PGGHG: variants seen among roughly 807,000 people sequenced by gnomAD.
PGGHG encodes ATH1, acid trehalase-like 1.
In PGGHG, 67 loss-of-function variants were observed where a neutral mutation model predicts 74.5. The ratio of observed to expected loss-of-function variants is 0.90; its 90% CI spans 0.74 to 1.10. PGGHG has a LOEUF of 1.10. PGGHG is among the 50% of genes least tolerant of loss of function. PGGHG has a pLI of 0.00. For missense variants in PGGHG, 1,034 were observed against 981.5 expected, an observed-to-expected ratio of 1.05 and a Z score of -0.72; for synonymous variants, 496 against 419.9, an observed-to-expected ratio of 1.18 and a Z score of -2.21.
At position 292,494 on chromosome 11, in the gene PGGHG, G is replaced by A. The variant is rs973886905; in HGVS notation, c.1027-52G>A. 97 of 1,596,576 alleles carry A rather than the reference G, an allele frequency of 6.1e-5. No individual in the cohort carries two copies. The East Asian group carries it at 1.9e-3, about 31-fold the overall frequency. On this transcript the variant is annotated intron_variant, in intron 5 of 13. Transcript: ENST00000409548. ...GGGCGAGGGCACGGGAAAGTTGGGG[G>A]GCCACCGCTCCCCTCCAACAAGGTC...
In PGGHG at chr11:293,471, C is replaced by A. The variant is rs746144117; in HGVS notation, c.1449C>A (p.Asn483Lys). The change falls in exon 9 of 14, where the codon AAC (asparagine) becomes AAA (lysine). Residue 483 changes from asparagine (N) to lysine (K), a missense_variant. Transcript: ENST00000409548. ...KIKVPFDVEQ[N>K]FHPEFDGYEP... is the part of the protein sequence containing the mutation. ...AGGTACCCTTTGACGTGGAGCAGAA[C>A]TTCCACCCGGAGTTCGATGGGTATG... is the stretch of plus-strand genomic sequence containing the variant. The A allele has an allele frequency of 6.2e-7, 1 of 1,611,830 alleles. No individual in the cohort carries two copies. Among genetic ancestry groups the A allele is most frequent in the Admixed American group, 1.7e-5 (1 of 60,016 alleles).
Position 296,087 on chromosome 11 carries a change from A to G in PGGHG, c.*1338A>G, listed in dbSNP as rs1441656318. The G allele has an allele frequency of 6.6e-6, 1 of 152,304 alleles. No homozygotes were observed. The highest frequency in any genetic ancestry group is 1.5e-5 in the Non-Finnish European group (1 of 68,084). 9.4% of individuals were successfully genotyped at this position (152,304 alleles called of 1,614,324 possible). On this transcript the variant is annotated 3_prime_UTR_variant, in exon 14 of 14. Transcript: ENST00000409548. ...CAGCACTCAGAGGTCGGCTCCCCTGACAGGAACCGTGTAGGGTGCAGAAGG... is the reference window on the plus strand; with the variant it reads ...CAGCACTCAGAGGTCGGCTCCCCTGGCAGGAACCGTGTAGGGTGCAGAAGG...
At position 289,654 on chromosome 11, in the gene PGGHG, C is replaced by G. The variant is rs1845656669; in HGVS notation, c.-13-150C>G. ...GTCGAGCTCCTTTCCTGCGAGGCCCCGTCTAGGAGGGGCCTCAGGAAAATC... is the reference window on the plus strand; with the variant it reads ...GTCGAGCTCCTTTCCTGCGAGGCCCGGTCTAGGAGGGGCCTCAGGAAAATC... On this transcript the variant is annotated intron_variant, in intron 1 of 13. Transcript: ENST00000409548. This position sits in a 1 kb window ranked among gnomAD's most constrained non-coding sequence, Gnocchi z 5.6. 3 of 999,838 alleles carry G rather than the reference C, an allele frequency of 3.0e-6. No homozygotes were observed. The highest frequency in any genetic ancestry group is 1.6e-5 in the African/African-American group (1 of 60,964). 61.9% of individuals were successfully genotyped at this position (999,838 alleles called of 1,614,324 possible).
chr11:290,060 C>T lies in PGGHG; in HGVS notation c.244C>T (p.Leu82=). The stretch of plus-strand genomic sequence containing the variant: ...GGAGCAGCTGACCGAGACCTTCGCC[C>T]TGGACACCAACACAGGTAGCGCCAC... The part of the protein sequence containing the change: ...MGEQLTETFA[L]DTNTGSFLHT... Residue 82 remains leucine (L), a synonymous_variant, in exon 2 of 14, where the codon CTG becomes TTG. Transcript: ENST00000409548. 1 of 1,535,820 alleles carries T rather than the reference C, an allele frequency of 6.5e-7. No homozygotes were observed. Among genetic ancestry groups the T allele is most frequent in the Non-Finnish European group, 8.7e-7 (1 of 1,143,130 alleles).
chr11:293,566 C>T (rs1469371646), intron 9 of PGGHG, 28 bp from the exon 10 acceptor site: 1 of 1,613,258 alleles, frequency 6.2e-7, no homozygotes, highest in Non-Finnish European at 8.5e-7. Flanking sequence ...TCCTGGAACA[C>T]CTTCCAGTCA....
intron 9 of PGGHG, 27 bp downstream of exon 9, chr11:293,529 C>T (rs1321769468): frequency 1.2e-6 from 2 of 1,611,948 alleles, no homozygotes; most frequent in Admixed American, 1.7e-5. Flanking sequence ...AAGGGCTCCT[C>T]CCCTGCCGTC....
rs763521691 is a variant in PGGHG, at chr11:293,429, G to A, written c.1407G>A (p.Ala469=). The stretch of plus-strand genomic sequence containing the variant: ...TTCCCATCCCCAGCCAGTGGCTGGC[G>A]GTGGCTGACAAGATCAAGGTACCCT... ...LGLPIPSQWL[A]VADKIKVPFD... Residue 469 remains alanine (A), a synonymous_variant, in exon 9 of 14, where the codon GCG becomes GCA. Coordinates refer to ENST00000409548, the MANE Select transcript of PGGHG (RefSeq NM_025092.5). 1.4e-5 allele frequency: 23 copies of A among 1,612,464 alleles called. No individual in the cohort carries two copies. Among genetic ancestry groups the A allele is most frequent in the Admixed American group, 5.0e-5 (3 of 60,014 alleles).
chr11:292,198 GCTGGGACATC>G (rs1845743626), intron 5 of PGGHG, 103 bp downstream of exon 5: 32 of 1,409,068 alleles, frequency 2.3e-5, no homozygotes, highest in Non-Finnish European at 3.0e-5. Flanking sequence ...TCTGGACAAA[GCTGGGACATC>G]CTAGATTCCC....
Position 294,437 on chromosome 11 carries a change from C to G in PGGHG, c.1979C>G (p.Ala660Gly). 1 of 1,574,382 alleles carries G rather than the reference C, an allele frequency of 6.4e-7. No homozygotes were observed. The highest frequency in any genetic ancestry group is 1.8e-5 in the Admixed American group (1 of 56,994). ...RAGPWAPHLEAELWPSQSRLS... is the reference protein window; with the variant it reads ...RAGPWAPHLEGELWPSQSRLS... Reference sequence around the variant, plus strand: ...GGGCCCTGGGCTCCTCACCTGGAGGCTGAGCTGTGGCCATCCCAGTCCCGG... The same window carrying G: ...GGGCCCTGGGCTCCTCACCTGGAGGGTGAGCTGTGGCCATCCCAGTCCCGG... The change falls in exon 13 of 14, where the codon GCT becomes GGT. Residue 660 changes from alanine (A) to glycine (G), a missense_variant. Transcript: ENST00000409548.
chr11:293,536 C>T (rs765218885), intron 9 of PGGHG, 34 bp downstream of exon 9: 19 of 1,611,934 alleles, frequency 1.2e-5, no homozygotes, highest in African/African-American at 5.3e-5. Flanking sequence ...CCTCCCCTGC[C>T]GTCGAGACCC....
chr11:292,815 T>C, intron 6 of PGGHG, 71 bp from the exon 7 acceptor site: 1 of 1,610,272 alleles, frequency 6.2e-7, no homozygotes, highest in Admixed American at 1.7e-5. Flanking sequence ...GCCTTGCTTC[T>C]GGGCACAGAC....
Position 293,190 on chromosome 11 carries a change from C to T in PGGHG, c.1298C>T (p.Ser433Leu). Residue 433 changes from serine (S) to leucine (L), a missense_variant, in exon 8 of 14, where the codon TCA becomes TTA. Physicochemically the swap from Ser to Leu is moderately radical, Grantham distance 145. Transcript: ENST00000409548. ...RGVMSPDEYH[S>L]GVNNSVYTNV... ...GTCATGTCCCCCGACGAGTACCATTCAGGGGTCAACAACTCTGTGTACACC... is the reference window on the plus strand; with the variant it reads ...GTCATGTCCCCCGACGAGTACCATTTAGGGGTCAACAACTCTGTGTACACC... The T allele has an allele frequency of 1.9e-6, 3 of 1,613,872 alleles. No individual in the cohort carries two copies. Among genetic ancestry groups the T allele is most frequent in the East Asian group, 2.2e-5 (1 of 44,884 alleles).
chr11:291,946 C>T (rs374142685), intron 4 of PGGHG, 30 bp from the exon 5 acceptor site: 58 of 1,580,656 alleles, frequency 3.7e-5, no homozygotes, highest in African/African-American at 3.0e-4. Flanking sequence ...ACGGCCTGTC[C>T]GGCGCTAGAA....
At position 291,013 on chromosome 11, in the gene PGGHG, A is replaced by G; in HGVS notation, c.806A>G (p.Gln269Arg). ...SLYYLLSALP[Q>R]PKAPGYICHG... ...TACTACCTGCTCAGTGCCCTGCCCC[A>G]GCCCAAGGCCCCAGGATACATCTGC... Residue 269 changes from glutamine (Q) to arginine (R), a missense_variant, in exon 4 of 14, where the codon CAG (glutamine) becomes CGG (arginine). Gln to Arg is a conservative substitution (Grantham distance 43). Transcript: ENST00000409548. 3 of 1,612,630 alleles carry G rather than the reference A, an allele frequency of 1.9e-6. No individual in the cohort carries two copies. Among genetic ancestry groups the G allele is most frequent in the Non-Finnish European group, 2.5e-6 (3 of 1,179,924 alleles).
chr11:291,288 T>G, intron 4 of PGGHG, 175 bp downstream of exon 4: 1 of 800,970 alleles, frequency 1.2e-6, no homozygotes, highest in Non-Finnish European at 1.9e-6. Context: ...GTGAGGGGAA[T>G]GGAAGGTGCA....
chr11:291,901 G>C, intron 4 of PGGHG, 75 bp from the exon 5 acceptor site: 7 of 1,512,218 alleles, frequency 4.6e-6, no homozygotes, highest in Non-Finnish European at 6.2e-6. Context: ...GAGCTCTGCC[G>C]GGGCGGAATG....
In PGGHG at chr11:289,882, C is replaced by T. The variant is rs758203306; in HGVS notation, c.66C>T (p.Leu22=). 10 of 1,551,178 alleles carry T rather than the reference C, an allele frequency of 6.4e-6. No homozygotes were observed. In the South Asian group the frequency reaches 1.1e-4, roughly 17 times the overall value. The change falls in exon 2 of 14, where the codon CTC becomes CTT. Residue 22 remains leucine, a synonymous_variant. Transcript: ENST00000409548. The surrounding 1 kb of genome is among the most constrained non-coding windows in gnomAD (Gnocchi z 5.6). ...AAHSLPSDPR[L]LATVTNAYLG... is the part of the protein sequence containing the mutation. ...ACTCTCTGCCCAGTGACCCCCGTCTCTTGGCCACTGTGACCAACGCATACC... is the reference window on the plus strand; with the variant it reads ...ACTCTCTGCCCAGTGACCCCCGTCTTTTGGCCACTGTGACCAACGCATACC...
chr11:291,769 G>A, intron 4 of PGGHG: 1 of 677,380 alleles, frequency 1.5e-6, no homozygotes, highest in Non-Finnish European at 2.3e-6. Context: ...GAGGCGAAGT[G>A]TGGGGCTGAG....
chr11:289,953 A>C lies in PGGHG; in HGVS notation c.137A>C (p.Tyr46Ser), dbSNP rs535466910. The change falls in exon 2 of 14, where the codon TAC becomes TCC. Residue 46 changes from tyrosine to serine, a missense_variant. By Grantham distance (144) the Tyr-to-Ser change is moderately radical (BLOSUM62 -2). Coordinates refer to ENST00000409548, the MANE Select transcript of PGGHG (RefSeq NM_025092.5). The surrounding 1 kb of genome is among the most constrained non-coding windows in gnomAD (Gnocchi z 5.6). The part of the protein sequence containing the change: ...FHDTLHVSGV[Y>S]NGAGGDTHRA... ...GACACGCTGCACGTGAGCGGCGTGT[A>C]CAATGGGGCTGGCGGGGACACGCAC... The C allele has an allele frequency of 6.4e-7, 1 of 1,550,628 alleles. No individual in the cohort carries two copies. Among genetic ancestry groups the C allele is most frequent in the African/African-American group, 1.4e-5 (1 of 73,180 alleles).
Sources: allele counts gnomAD v4.1 joint callset, GRCh38; gene constraint gnomAD v4.1.1; non-coding constraint Gnocchi (gnomAD v3.1); transcripts MANE v1.5; gene names NCBI Gene and HGNC (gene_info 2026-07-23, HGNC 2026-07-21).